The following SNX8 variants were observed in gnomAD, a reference collection of about 807,000 sequenced individuals.
SNX8 encodes sorting nexin-8.
A neutral mutation model predicts 51.6 loss-of-function variants in SNX8; 25 were observed. That is an observed-to-expected ratio of 0.48 (90% CI 0.35 to 0.68). The LOEUF is 0.68. Among genes scored for constraint, SNX8 ranks in the 30% least tolerant of loss-of-function variants. SNX8 has a pLI of 0.00. For missense variants in SNX8, 695 were observed against 624.0 expected (o/e 1.11, Z -1.21); for synonymous variants, 324 against 277.0 (o/e 1.17, Z -1.68).
At chr7:2,341,519 G>C (rs1157799501) in intron 1 of SNX8, among the ~76,000 whole-genome samples, 1 of 151,674 alleles carries the variant, frequency 6.6e-6, no homozygotes, top group Admixed American at 6.6e-5. Context: ...CAAAAATGAA[G>C]TTGAAGGCTA....
intron 1 of SNX8, among the ~76,000 whole-genome samples, chr7:2,351,629 G>A (rs1163904039): frequency 3.3e-5 from 5 of 151,834 alleles, no homozygotes; most frequent in African/African-American, 9.7e-5. Context: ...TCAGGAGAGT[G>A]AGACCATCCT....
chr7:2,311,264 T>G (rs558784084), intron 1 of SNX8, among the ~76,000 whole-genome samples: 1 of 152,314 alleles, frequency 6.6e-6, no homozygotes, highest in African/African-American at 2.4e-5. Flanking sequence ...AAGAGGAAAT[T>G]CACTGTATAC....
intron 1 of SNX8, among the ~76,000 whole-genome samples, chr7:2,284,247 A>G (rs940997095): frequency 3.3e-5 from 5 of 151,652 alleles, no homozygotes; most frequent in Admixed American, 2.6e-4. Flanking sequence ...TGCATTTCTA[A>G]CAAGTTCCCA....
chr7:2,276,281 T>A (rs1445828791), intron 2 of SNX8, among the ~76,000 whole-genome samples: 1 of 152,162 alleles, frequency 6.6e-6, no homozygotes, highest in African/African-American at 2.4e-5. Flanking sequence ...TGCTCCCCCG[T>A]GGCATCCCAC....
intron 7 of SNX8, among the ~76,000 whole-genome samples, chr7:2,258,048 T>G (rs1206903550): frequency 6.7e-6 from 1 of 148,914 alleles, no homozygotes; most frequent in African/African-American, 2.5e-5. Context: ...CTTCGCTCTG[T>G]CGCCCAGGCT....
upstream of SNX8, chr7:2,314,455 G>A (rs1416904006): frequency 1.3e-5 from 16 of 1,200,640 alleles, 1 homozygote; most frequent in Middle Eastern, 6.5e-4. Context: ...TTCCTCCCGC[G>A]CCACCCGGCC....
intron 1 of SNX8, among the ~76,000 whole-genome samples, chr7:2,329,874 C>T (rs1235279551): frequency 2.6e-5 from 4 of 150,994 alleles, no homozygotes; most frequent in African/African-American, 9.7e-5. Context: ...GTTCCCCAGG[C>T]TGGAGTGCAG....
intron 1 of SNX8, among the ~76,000 whole-genome samples, chr7:2,338,157 C>G (rs1399882118): frequency 6.6e-6 from 1 of 151,954 alleles, no homozygotes; most frequent in East Asian, 1.9e-4. Context: ...GAAACCCCAT[C>G]TCTACTAAAA....
At chr7:2,326,754 T>A (rs1367722528) in intron 1 of SNX8, among the ~76,000 whole-genome samples, 1 of 151,992 alleles carries the variant, frequency 6.6e-6, no homozygotes, top group Non-Finnish European at 1.5e-5. Flanking sequence ...GTTTAATATT[T>A]CAAAATAAAT....
chr7:2,291,016 CG>C (rs1796138812), intron 1 of SNX8, among the ~76,000 whole-genome samples: 1 of 152,148 alleles, frequency 6.6e-6, no homozygotes, highest in Non-Finnish European at 1.5e-5. Context: ...AGTCTTGTAG[CG>C]GGGCACTGGC....
At position 2,330,294 on chromosome 7, in the gene SNX8, C is replaced by G. The variant is rs374143283; in HGVS notation, c.-66+23928G>C. On this transcript the variant is annotated intron_variant, in intron 1 of 5. Coordinates refer to the SNX8 transcript ENST00000435336. Reference sequence around the variant, plus strand: ...CTGGGATTACAGGTGCCCGCCACCACGTCCAGATAATTTTTGTATTTTTAG... The same window carrying G: ...CTGGGATTACAGGTGCCCGCCACCAGGTCCAGATAATTTTTGTATTTTTAG... Among the ~76,000 whole-genome samples the G allele has an allele frequency of 2.0e-5, 3 of 151,014 alleles. No homozygotes were observed. The East Asian group carries it at 5.9e-4, about 29-fold the overall frequency.
chr7:2,318,202 G>A (rs918262656), upstream of SNX8, among the ~76,000 whole-genome samples: 3 of 152,198 alleles, frequency 2.0e-5, no homozygotes, highest in Admixed American at 6.6e-5. Context: ...AGGCCACCAT[G>A]CCCAGCTGTT....
chr7:2,283,338 C>T (rs138071021), intron 1 of SNX8, among the ~76,000 whole-genome samples: 1 of 152,324 alleles, frequency 6.6e-6, no homozygotes, highest in African/African-American at 2.4e-5. Flanking sequence ...GACTGGCCCG[C>T]ACACTACTTC....
In SNX8 at chr7:2,257,455, C is replaced by G; in HGVS notation, c.1044G>C (p.Lys348Asn). ...TCATCTGCCTCTTCATCAGGCTGTA[C>G]TTGTGCAGGGCCCGCTGGTGCTTGT... ...VLHKHQRALH[K>N]YSLMKRQMMS... Residue 348 changes from lysine to asparagine, a missense_variant, in exon 9 of 11, where the codon AAG (lysine) becomes AAC (asparagine). Physicochemically the swap from Lys to Asn is moderately conservative, Grantham distance 94. Coordinates refer to ENST00000222990, the MANE Select transcript of SNX8 (RefSeq NM_013321.4). 1 of 1,609,474 alleles carries G rather than the reference C, an allele frequency of 6.2e-7. No homozygotes were observed. Among genetic ancestry groups the G allele is most frequent in the Non-Finnish European group, 8.5e-7 (1 of 1,178,906 alleles).
At chr7:2,338,684 A>G (rs1211269098) in intron 1 of SNX8, among the ~76,000 whole-genome samples, 1 of 152,148 alleles carries the variant, frequency 6.6e-6, no homozygotes, top group Admixed American at 6.6e-5. Context: ...CTAATCTCAA[A>G]TAACAGGGTT....
rs183970401 is a variant in SNX8 at position 2,342,532 on chromosome 7, G to A, written c.-66+11690C>T. Reference sequence around the variant, plus strand: ...CAGCCGGACGCAGTGGTGCGGGGCTGTAGCCACAGCTACTTGGGAGCCTGA... The same window carrying A: ...CAGCCGGACGCAGTGGTGCGGGGCTATAGCCACAGCTACTTGGGAGCCTGA... On this transcript the variant is annotated intron_variant, in intron 1 of 5. Transcript: ENST00000435336. Among the ~76,000 whole-genome samples the A allele has an allele frequency of 7.0e-3, 1,055 of 151,702 alleles. 8 individuals are homozygous for A. Among genetic ancestry groups the A allele is most frequent in the African/African-American group, 0.025 (1,015 of 41,412 alleles).
chr7:2,269,827 C>T (rs1408033791), intron 4 of SNX8, among the ~76,000 whole-genome samples, 188 bp from the exon 5 acceptor site: 2 of 152,174 alleles, frequency 1.3e-5, no homozygotes, highest in Non-Finnish European at 2.9e-5. Flanking sequence ...CCAAACAGGA[C>T]AGCCTGGCTT....
chr7:2,335,630 G>A (rs1268742671), intron 1 of SNX8, among the ~76,000 whole-genome samples: 3 of 151,548 alleles, frequency 2.0e-5, no homozygotes, highest in Middle Eastern at 3.4e-3. Context: ...GTGAAACCCC[G>A]TCTCTACTAA....
At chr7:2,316,653 GCATT>G (rs1213087726), upstream of SNX8, among the ~76,000 whole-genome samples, 2 of 146,940 alleles carry the variant, frequency 1.4e-5, no homozygotes, top group African/African-American at 2.6e-5. Flanking sequence ...ACTGCATCCT[GCATT>G]CATTCATTCA....
Sources: allele counts gnomAD v4.1 joint callset (sites outside exome capture counted in the v4.1 genomes callset), GRCh38; gene constraint gnomAD v4.1.1; transcripts MANE v1.5; gene names NCBI Gene and HGNC (gene_info 2026-07-23, HGNC 2026-07-21).